RBFOX1: variants seen among roughly 807,000 people sequenced by gnomAD.
RBFOX1 encodes the protein RNA binding fox-1 homolog 1.
A neutral mutation model predicts 57.7 loss-of-function variants in RBFOX1; 8 were observed. The observed-to-expected ratio is 0.14, with a 90% CI of 0.08 to 0.25. The LOEUF is 0.25. Ranked by LOEUF, RBFOX1 falls within the 10% of genes least tolerant of loss-of-function variation. RBFOX1 has a pLI of 1.00. For synonymous variants in RBFOX1, 326 were observed against 222.4 expected, an observed-to-expected ratio of 1.47 and a Z score of -4.15; for missense variants, 611 against 548.5, an observed-to-expected ratio of 1.11 and a Z score of -1.14.
rs1257683961 is a variant in RBFOX1 at position 6,338,847 on chromosome 16, A to G, written c.-64+21790A>G. On this transcript the variant is annotated intron_variant, in intron 2 of 15. Transcript: ENST00000550418. ...TGTATCCAAAGGAACTTAATCTTTT[A>G]TTTTGTGGTAGGTACACAATAAAAG... Among the ~76,000 whole-genome samples, 7 of 152,330 alleles carry G rather than the reference A, an allele frequency of 4.6e-5. No homozygotes were observed. The South Asian group carries it at 6.2e-4, about 14-fold the overall frequency.
intron 3 of RBFOX1, among the ~76,000 whole-genome samples, chr16:6,815,240 C>G (rs2089807310): frequency 1.3e-5 from 2 of 152,102 alleles, no homozygotes; most frequent in Admixed American, 6.6e-5. Flanking sequence ...AGAGATCACT[C>G]TCATTGCCAT....
intron 2 of RBFOX1, among the ~76,000 whole-genome samples, chr16:5,569,202 T>C (rs965471781): frequency 7.9e-5 from 12 of 152,124 alleles, no homozygotes; most frequent in Middle Eastern, 3.4e-3. Context: ...TCTCCTAAAG[T>C]CAGGGCATTG....
At chr16:5,963,953 A>G (rs2059798569) in intron 4 of RBFOX1, among the ~76,000 whole-genome samples, 1 of 152,174 alleles carries the variant, frequency 6.6e-6, no homozygotes, top group Non-Finnish European at 1.5e-5. Flanking sequence ...CCCTCAACAA[A>G]ATGGAAAGGC....
chr16:7,071,623 C>G (rs946924210), intron 4 of RBFOX1, among the ~76,000 whole-genome samples: 3 of 149,096 alleles, frequency 2.0e-5, no homozygotes, highest in African/African-American at 7.4e-5. Flanking sequence ...GTGTGTTTGT[C>G]TGTATACATA....
intron 2 of RBFOX1, among the ~76,000 whole-genome samples, chr16:6,467,337 G>A (rs1246210952): frequency 1.3e-5 from 2 of 151,812 alleles, no homozygotes; most frequent in Non-Finnish European, 2.9e-5. Context: ...ATACAGTGTT[G>A]TAACAACACC....
intron 1 of RBFOX1, among the ~76,000 whole-genome samples, chr16:6,035,485 G>A (rs758151666): frequency 2.0e-5 from 3 of 152,136 alleles, no homozygotes; most frequent in South Asian, 2.1e-4. Flanking sequence ...GTTTAGAAAC[G>A]TCCTTGAAAA....
At chr16:7,252,217 G>A (rs1194275364) in intron 4 of RBFOX1, among the ~76,000 whole-genome samples, 2 of 152,134 alleles carry the variant, frequency 1.3e-5, no homozygotes, top group African/African-American at 2.4e-5. Context: ...AGAGATTTTT[G>A]TTTGTTTCCC....
At chr16:6,414,731 C>G (rs1169756003) in intron 2 of RBFOX1, among the ~76,000 whole-genome samples, 2 of 152,154 alleles carry the variant, frequency 1.3e-5, no homozygotes, top group Non-Finnish European at 2.9e-5. Flanking sequence ...CTCTTCAAAA[C>G]CACTCTACAA....
chr16:6,136,364 A>C (rs1047452167), intron 1 of RBFOX1, among the ~76,000 whole-genome samples: 5 of 152,102 alleles, frequency 3.3e-5, no homozygotes, highest in Non-Finnish European at 5.9e-5. Flanking sequence ...GCCGTATTCC[A>C]GATACGTGTG....
At chr16:6,497,673 C>G (rs556815037) in intron 2 of RBFOX1, among the ~76,000 whole-genome samples, 2 of 152,030 alleles carry the variant, frequency 1.3e-5, no homozygotes, top group African/African-American at 4.8e-5. Flanking sequence ...TGTCCTGCCT[C>G]AGCCTCCTGA....
chr16:6,332,610 C>T (rs529488717), intron 2 of RBFOX1, among the ~76,000 whole-genome samples: 2 of 152,138 alleles, frequency 1.3e-5, no homozygotes, highest in Non-Finnish European at 2.9e-5. Flanking sequence ...TATCTTCATA[C>T]ACACACATGC....
chr16:5,271,009 A>G, intron 1 of RBFOX1: 1 of 291,560 alleles, frequency 3.4e-6, no homozygotes, highest in Non-Finnish European at 6.4e-6. Flanking sequence ...AAAACAAACA[A>G]TAAACAACAA....
intron 3 of RBFOX1, among the ~76,000 whole-genome samples, chr16:6,994,628 A>G (rs1488955648): frequency 6.6e-6 from 1 of 152,222 alleles, no homozygotes; most frequent in East Asian, 1.9e-4. Flanking sequence ...TTTTGATTAC[A>G]TCAATAATTC....
In RBFOX1 at chr16:7,597,548, T is replaced by G. The variant is rs573579536; in HGVS notation, c.622+117T>G. The G allele has an allele frequency of 3.5e-4, 297 of 857,568 alleles. 1 individual carries two copies. Among genetic ancestry groups the G allele is most frequent in the Non-Finnish European group, 5.0e-4 (280 of 560,960 alleles). The allele number at this position is 857,568 out of a possible 1,614,324, so 53.1% of individuals were successfully genotyped here. A position where few individuals can be genotyped will look rare whatever the true frequency, so the allele number is the denominator to read the frequency against. On this transcript the variant is annotated intron_variant, in intron 9 of 15. Coordinates refer to ENST00000550418, the MANE Select transcript of RBFOX1 (RefSeq NM_018723.4). ...TGCCTGGGCATTGACACTGTGTTTTTACTACTGACCTGCTACAGTGAACCA... is the reference window on the plus strand; with the variant it reads ...TGCCTGGGCATTGACACTGTGTTTTGACTACTGACCTGCTACAGTGAACCA...
intron 4 of RBFOX1, among the ~76,000 whole-genome samples, chr16:5,983,747 T>C (rs1402768513): frequency 6.6e-6 from 1 of 152,106 alleles, no homozygotes; most frequent in East Asian, 1.9e-4. Flanking sequence ...TTTCTTCCAC[T>C]CCTGGAGTCA....
intron 3 of RBFOX1, among the ~76,000 whole-genome samples, chr16:5,858,982 A>C (rs2151882673): frequency 6.6e-6 from 1 of 152,288 alleles, no homozygotes; most frequent in South Asian, 2.1e-4. Flanking sequence ...TGGGAAGTTG[A>C]GGTGGGCAGA....
intron 2 of RBFOX1, among the ~76,000 whole-genome samples, chr16:6,489,004 C>T (rs191865518): frequency 2.0e-5 from 3 of 152,136 alleles, no homozygotes; most frequent in Admixed American, 6.6e-5. Context: ...CAAAATCAGA[C>T]GGTCCTTATT....
chr16:6,402,628 C>G (rs1427794245), intron 2 of RBFOX1, among the ~76,000 whole-genome samples: 2 of 152,222 alleles, frequency 1.3e-5, no homozygotes, highest in African/African-American at 4.8e-5. Context: ...CCTCCTTCCA[C>G]TACTGTCCAC....
chr16:7,179,241 A>G (rs1231499376), intron 4 of RBFOX1, among the ~76,000 whole-genome samples: 1 of 151,902 alleles, frequency 6.6e-6, no homozygotes, highest in Non-Finnish European at 1.5e-5. Context: ...TTTTTTCCAA[A>G]AAGAAAATAC....
Sources: allele counts gnomAD v4.1 joint callset (sites outside exome capture counted in the v4.1 genomes callset), GRCh38; gene constraint gnomAD v4.1.1; transcripts MANE v1.5; gene names NCBI Gene and HGNC (gene_info 2026-07-23, HGNC 2026-07-21).